KCNQ1: variants seen among roughly 807,000 people sequenced by gnomAD.
The protein encoded by KCNQ1 is potassium voltage-gated channel subfamily KQT member 1.
In KCNQ1, 49 loss-of-function variants were observed where a neutral mutation model predicts 72.4. The observed-to-expected ratio is 0.68, with a 90% CI of 0.54 to 0.86. The LOEUF (loss-of-function observed/expected upper bound fraction) is 0.86. KCNQ1 is among the 40% of genes least tolerant of loss of function. The probability of loss-of-function intolerance (pLI) is 0.00; values close to 1 mark genes in which losing one functional copy is unlikely to be tolerated. For synonymous variants in KCNQ1, 450 were observed against 412.6 expected (o/e 1.09, Z -1.10); for missense variants, 790 against 945.1 (o/e 0.84, Z 2.15).
chr11:2,790,436 T>C (rs1480676483), intron 15 of KCNQ1, among the ~76,000 whole-genome samples: 1 of 152,148 alleles, frequency 6.6e-6, no homozygotes, highest in African/African-American at 2.4e-5. Context: ...CTGAACCCCA[T>C]AGGAGGGGCT....
At chr11:2,499,019 C>T (rs1846966184) in intron 1 of KCNQ1, among the ~76,000 whole-genome samples, 1 of 152,140 alleles carries the variant, frequency 6.6e-6, no homozygotes, top group South Asian at 2.1e-4. Flanking sequence ...GGCGATGCCC[C>T]ACCTGCTTCT....
At position 2,559,829 on chromosome 11, in the gene KCNQ1, C is replaced by G. The variant is rs1190803674; in HGVS notation, c.478-10799C>G. ...TGGCTAGGGCTCTGCTGCCTGCTTC[C>G]TGGGCAGGGGCTCCTTCCTCCCTCT... On this transcript the variant is annotated intron_variant, in intron 2 of 15. Coordinates refer to ENST00000155840, the MANE Select transcript of KCNQ1 (RefSeq NM_000218.3). The surrounding 1 kb of genome is among the most constrained non-coding windows in gnomAD (Gnocchi z 4.9). Among the ~76,000 whole-genome samples the G allele has an allele frequency of 6.6e-6, 1 of 151,958 alleles. No individual in the cohort carries two copies. Among genetic ancestry groups the G allele is most frequent in the Non-Finnish European group, 1.5e-5 (1 of 67,992 alleles).
intron 15 of KCNQ1, among the ~76,000 whole-genome samples, chr11:2,823,675 A>G (rs1456540910): frequency 1.3e-5 from 2 of 152,222 alleles, no homozygotes; most frequent in Admixed American, 1.3e-4. Flanking sequence ...AAAATCTGCA[A>G]CGGAGCTTCC....
rs1052507232 is a variant in KCNQ1, at chr11:2,612,650, C to T, written c.1393+23796C>T. 7.5e-6 allele frequency: 3 copies of T among 398,394 alleles called. No homozygotes were observed. Among genetic ancestry groups the T allele is most frequent in the East Asian group, 7.1e-5 (2 of 28,066 alleles). 24.7% of individuals were successfully genotyped at this position (398,394 alleles called of 1,614,324 possible). A position where few individuals can be genotyped will look rare whatever the true frequency, so the allele number is the denominator to read the frequency against. ...TGATGAGTCTTTGTCATCACACTTG[C>T]ATTCTTTAATGTGGTTTCTTTTGGT... is the stretch of plus-strand genomic sequence containing the variant. On this transcript the variant is annotated intron_variant, in intron 10 of 15. Coordinates refer to ENST00000155840, the MANE Select transcript of KCNQ1 (RefSeq NM_000218.3). The surrounding 1 kb of genome is among the most constrained non-coding windows in gnomAD (Gnocchi z 5.5).
At chr11:2,836,065 CCGTGG>C (rs201993574) in intron 15 of KCNQ1, among the ~76,000 whole-genome samples, 3,043 of 152,002 alleles carry the variant, frequency 0.02, 47 homozygotes, top group Non-Finnish European at 0.03. Context: ...ATGGGGTGCC[CCGTGG>C]CGTGGCGGGG....
rs117265062 is a variant in KCNQ1 at position 2,800,990 on chromosome 11, C to G, written c.1794+22953C>G. ...ATGGGGAGGCAGGAGACCAGGTGTG[C>G]CCAGGGTGGGGACACTGGTAATGGG... On this transcript the variant is annotated intron_variant, in intron 15 of 15. Coordinates refer to ENST00000155840, the MANE Select transcript of KCNQ1 (RefSeq NM_000218.3). Among the ~76,000 whole-genome samples the G allele has an allele frequency of 7.5e-3, 1,148 of 152,172 alleles. 6 individuals are homozygous for G. The highest frequency in any genetic ancestry group is 0.013 in the Non-Finnish European group (867 of 68,004).
intron 2 of KCNQ1, among the ~76,000 whole-genome samples, chr11:2,551,984 T>G (rs1589946016): frequency 6.6e-6 from 1 of 152,382 alleles, no homozygotes; most frequent in East Asian, 1.9e-4. Flanking sequence ...ATGTTCTGGA[T>G]ATGAGTCCTT....
At chr11:2,805,688 C>G (rs182100603) in intron 15 of KCNQ1, among the ~76,000 whole-genome samples, 1 of 152,332 alleles carries the variant, frequency 6.6e-6, no homozygotes, top group Admixed American at 6.5e-5. Flanking sequence ...GAAAAGCGTG[C>G]TAGCCCTTGC....
At position 2,562,233 on chromosome 11, in the gene KCNQ1, T is replaced by A. The variant is rs527940384; in HGVS notation, c.478-8395T>A. ...CGGGGGGTGGGGGTGAGGGCGGGGG[T>A]GAGTGTGGATGAGGGCCCCAGCTGT... On this transcript the variant is annotated intron_variant, in intron 2 of 15. Coordinates refer to ENST00000155840, the MANE Select transcript of KCNQ1 (RefSeq NM_000218.3). The surrounding 1 kb of genome is among the most constrained non-coding windows in gnomAD (Gnocchi z 7.5). Among the ~76,000 whole-genome samples the A allele has an allele frequency of 1.5e-3, 219 of 150,664 alleles. No homozygotes were observed. The highest frequency in any genetic ancestry group is 5.1e-3 in the African/African-American group (210 of 40,954).
Position 2,690,960 on chromosome 11 carries a change from G to A in KCNQ1, c.1514+28879G>A, listed in dbSNP as rs554800322. ...TGAAAGGTTCATTTGGGAGTCACGG[G>A]TATGTGTCAACAAAAGCCCACCAGA... is the stretch of plus-strand genomic sequence containing the variant. On this transcript the variant is annotated intron_variant, in intron 11 of 15. Transcript: ENST00000155840. The surrounding 1 kb of genome is among the most constrained non-coding windows in gnomAD (Gnocchi z 5.1). 1 of 398,666 alleles carries A rather than the reference G, an allele frequency of 2.5e-6. No homozygotes were observed. The allele number at this position is 398,666 out of a possible 1,614,324, so 24.7% of individuals were successfully genotyped here.
chr11:2,511,979 G>A (rs80056995), intron 1 of KCNQ1, among the ~76,000 whole-genome samples: 10,049 of 152,324 alleles, frequency 0.066, 441 homozygotes, highest in African/African-American at 0.12. Flanking sequence ...GGAAGCGTGA[G>A]CATTTGTCTC....
chr11:2,708,168 G>A (rs572404618), intron 11 of KCNQ1, among the ~76,000 whole-genome samples: 1 of 152,342 alleles, frequency 6.6e-6, no homozygotes, highest in South Asian at 2.1e-4. Context: ...GGGCTGGGGA[G>A]TCCTCTGTGA....
chr11:2,727,162 C>T (rs1054414883), intron 11 of KCNQ1, among the ~76,000 whole-genome samples: 4 of 152,158 alleles, frequency 2.6e-5, no homozygotes, highest in Non-Finnish European at 4.4e-5. Flanking sequence ...AGCCATGGGG[C>T]AGTGGGGCTC....
chr11:2,748,713 C>A lies in KCNQ1; in HGVS notation c.1515-20131C>A, dbSNP rs1365063370. Among the ~76,000 whole-genome samples the A allele has an allele frequency of 1.3e-5, 2 of 152,194 alleles. No homozygotes were observed. The highest frequency in any genetic ancestry group is 2.9e-5 in the Non-Finnish European group (2 of 68,020). Reference sequence around the variant, plus strand: ...CTTCGGGTCCAGCCAGCTGCTGCTGCCCCTCCCTCTGGGCCTCAAGACCAT... The same window carrying A: ...CTTCGGGTCCAGCCAGCTGCTGCTGACCCTCCCTCTGGGCCTCAAGACCAT... On this transcript the variant is annotated intron_variant, in intron 11 of 15. Transcript: ENST00000155840. This position sits in a 1 kb window ranked among gnomAD's most constrained non-coding sequence, Gnocchi z 6.2.
rs58902386 is a variant in KCNQ1 at position 2,756,981 on chromosome 11, A to AAC, written c.1515-11863_1515-11862insAC. Among the ~76,000 whole-genome samples the AAC allele has an allele frequency of 1.1e-3, 122 of 115,210 alleles. 8 individuals carry two copies. The highest frequency in any genetic ancestry group is 1.5e-3 in the Non-Finnish European group (85 of 56,874). 75.6% of individuals were successfully genotyped at this position (115,210 alleles called of 152,430 possible). The stretch of plus-strand genomic sequence containing the variant: ...AAAAAAAAAAAAAAAAAAAAAAAAA[A>AAC]CCCACAGCTAACATCACATCACACT... On this transcript the variant is annotated intron_variant, in intron 11 of 15. Coordinates refer to ENST00000155840, the MANE Select transcript of KCNQ1 (RefSeq NM_000218.3).
intron 6 of KCNQ1, among the ~76,000 whole-genome samples, chr11:2,581,111 C>A (rs561367207): frequency 1.3e-5 from 2 of 152,226 alleles, no homozygotes; most frequent in Non-Finnish European, 2.9e-5. Flanking sequence ...GACTCTGGAG[C>A]CCTCTTGCTC....
chr11:2,755,190 G>A (rs950469441), intron 11 of KCNQ1, among the ~76,000 whole-genome samples: 15 of 151,326 alleles, frequency 9.9e-5, no homozygotes, highest in African/African-American at 2.9e-4. Context: ...ATTTTTTTTC[G>A]TAATCACAGC....
chr11:2,701,158 T>C (rs572747861), intron 11 of KCNQ1, among the ~76,000 whole-genome samples: 137 of 152,350 alleles, frequency 9.0e-4, no homozygotes, highest in African/African-American at 3.1e-3. Context: ...TCACTGCCTC[T>C]GCCGAAAATA....
intron 11 of KCNQ1, chr11:2,675,439 A>G: frequency 2.5e-6 from 1 of 398,684 alleles, no homozygotes; most frequent in Non-Finnish European, 4.4e-6. Flanking sequence ...CGTTAAAATA[A>G]AAGATGATCT....
Sources: gnomAD v4.1 joint callset for allele counts (sites outside exome capture counted in the v4.1 genomes callset) on GRCh38, gnomAD v4.1.1 for gene constraint, Gnocchi (gnomAD v3.1) non-coding constraint, MANE v1.5 for transcripts, NCBI Gene and HGNC (gene_info 2026-07-23, HGNC 2026-07-21) for gene names.